The following ZNF407 variants were observed in gnomAD, a reference collection of about 807,000 sequenced individuals.
ZNF407 encodes the protein zinc finger protein 407.
A neutral mutation model predicts 131.2 loss-of-function variants in ZNF407; 17 were observed. That is an observed-to-expected ratio of 0.13 (90% confidence interval 0.09 to 0.19). ZNF407 has a LOEUF of 0.19. Ranked by LOEUF, ZNF407 falls within the 10% of genes least tolerant of loss-of-function variation. The pLI, the probability that ZNF407 is intolerant of heterozygous loss-of-function variation, is 1.00. For synonymous variants in ZNF407, 1,156 were observed against 1,062.0 expected (o/e 1.09, Z -1.72); for missense variants, 2,681 against 2,830.6 (o/e 0.95, Z 1.20).
In ZNF407 at chr18:74,633,722, G is replaced by A; in HGVS notation, c.2703G>A (p.Lys901=). 6.2e-7 allele frequency: 1 copy of A among 1,614,000 alleles called. No homozygotes were observed. The highest frequency in any genetic ancestry group is 1.7e-5 in the Admixed American group (1 of 60,034). The change falls in exon 2 of 9, where the codon AAG becomes AAA. Residue 901 remains lysine (K), a synonymous_variant. Coordinates refer to ENST00000299687, the MANE Select transcript of ZNF407 (RefSeq NM_017757.3). ...ATATGGAACGTCATTGTGCCACCAA[G>A]AAACATAAAGGACGGGTAGAAATAG... The part of the protein sequence containing the change: ...KGDMERHCAT[K]KHKGRVEIEA...
chr18:74,804,622 A>G (rs2145077234), intron 4 of ZNF407: 1 of 983,516 alleles, frequency 1.0e-6, no homozygotes, highest in Non-Finnish European at 1.2e-6. Context: ...AATGCTGATT[A>G]CTATAGCCAG....
At chr18:74,884,689 A>G (rs551204487) in intron 6 of ZNF407, among the ~76,000 whole-genome samples, 14 of 152,202 alleles carry the variant, frequency 9.2e-5, no homozygotes, top group Non-Finnish European at 1.8e-4. Context: ...AATATATATG[A>G]CATTATTCCT....
chr18:74,745,952 A>G (rs1374769149), intron 3 of ZNF407, among the ~76,000 whole-genome samples: 2 of 152,168 alleles, frequency 1.3e-5, no homozygotes, highest in Non-Finnish European at 1.5e-5. Flanking sequence ...ACTTAAATAC[A>G]GTCATGTGCT....
At chr18:74,658,917 A>C in intron 3 of ZNF407, among the ~76,000 whole-genome samples, 2 of 152,296 alleles carry the variant, frequency 1.3e-5, no homozygotes, top group South Asian at 4.1e-4. Flanking sequence ...AATTTAAAAC[A>C]TTATATATCT....
chr18:74,665,369 G>A (rs1985889455), intron 3 of ZNF407, among the ~76,000 whole-genome samples: 1 of 152,188 alleles, frequency 6.6e-6, no homozygotes, highest in African/African-American at 2.4e-5. Context: ...GGTAGCTGCT[G>A]GGGAACCAGC....
intron 8 of ZNF407, among the ~76,000 whole-genome samples, chr18:74,936,543 A>T (rs1231033640): frequency 6.6e-6 from 1 of 152,120 alleles, no homozygotes; most frequent in East Asian, 1.9e-4. Flanking sequence ...ACTTACCACC[A>T]CCCAGCTGTG....
intron 3 of ZNF407, among the ~76,000 whole-genome samples, chr18:74,766,392 A>C (rs900634413): frequency 6.6e-6 from 1 of 152,164 alleles, no homozygotes; most frequent in Admixed American, 6.5e-5. Context: ...GCTGATGTAG[A>C]AGCTTTCCCA....
chr18:74,677,045 CT>C (rs1490577020), intron 3 of ZNF407, among the ~76,000 whole-genome samples: 1 of 152,084 alleles, frequency 6.6e-6, no homozygotes, highest in Non-Finnish European at 1.5e-5. Context: ...GTTGTTTTTT[CT>C]GGTAATATTC....
intron 3 of ZNF407, among the ~76,000 whole-genome samples, chr18:74,733,888 C>T (rs1022301963): frequency 6.6e-5 from 10 of 152,270 alleles, no homozygotes; most frequent in Middle Eastern, 6.8e-3. Context: ...TTCATGTTAG[C>T]CTTTTCTTTG....
At chr18:74,738,526 T>C (rs565221242) in intron 3 of ZNF407, among the ~76,000 whole-genome samples, 2 of 142,350 alleles carry the variant, frequency 1.4e-5, no homozygotes, top group African/African-American at 5.9e-5. Context: ...GATCACGAGG[T>C]CAGGAGTTTG....
rs1240428897 is a variant in ZNF407, at chr18:75,064,812, C to G, written c.*344C>G. On this transcript the variant is annotated 3_prime_UTR_variant, in exon 9 of 9. Coordinates refer to ENST00000299687, the MANE Select transcript of ZNF407 (RefSeq NM_017757.3). ...AGCCAAGTGTTGTTGGTGTTTTTCT[C>G]TCCCAAGTGTTTTCCCATTTCAGTT... 4.6e-6 allele frequency: 1 copy of G among 216,758 alleles called. No homozygotes were observed. The highest frequency in any genetic ancestry group is 2.3e-5 in the African/African-American group (1 of 44,012). The allele number at this position is 216,758 out of a possible 1,614,324, so 13.4% of individuals were successfully genotyped here.
rs373892088 is a variant in ZNF407 at position 75,064,045 on chromosome 18, C to T, written c.6324C>T (p.Ser2108=). Reference sequence around the variant, plus strand: ...ACGGTGTCACCCAGGTGGTGGTGAGCGAAGAGGGTGCCGTCCACATGGTCG... The same window carrying T: ...ACGGTGTCACCCAGGTGGTGGTGAGTGAAGAGGGTGCCGTCCACATGGTCG... ...VKDGVTQVVV[S]EEGAVHMVAG... is the part of the protein sequence containing the mutation. The change falls in exon 9 of 9, where the codon AGC becomes AGT. Residue 2108 remains serine (S), a synonymous_variant. Transcript: ENST00000299687. 65 of 1,597,530 alleles carry T rather than the reference C, an allele frequency of 4.1e-5. No homozygotes were observed. The highest frequency in any genetic ancestry group is 1.4e-4 in the Admixed American group (8 of 57,360).
chr18:74,691,737 T>G (rs1328320335), intron 3 of ZNF407, among the ~76,000 whole-genome samples: 1 of 152,210 alleles, frequency 6.6e-6, no homozygotes, highest in East Asian at 1.9e-4. Context: ...ATAATTTTTC[T>G]TGCTGTTTTG....
At chr18:74,954,602 C>T (rs761894243) in intron 8 of ZNF407, among the ~76,000 whole-genome samples, 4 of 151,964 alleles carry the variant, frequency 2.6e-5, no homozygotes, top group Non-Finnish European at 4.4e-5. Flanking sequence ...TATTATATAA[C>T]ATAATTTTAT....
intron 3 of ZNF407, among the ~76,000 whole-genome samples, chr18:74,676,334 C>T (rs979619391): frequency 8.5e-5 from 13 of 152,180 alleles, no homozygotes; most frequent in Middle Eastern, 3.4e-3. Flanking sequence ...TCAGGCAATC[C>T]GCCTGCCTTC....
intron 7 of ZNF407, among the ~76,000 whole-genome samples, chr18:74,900,125 G>A (rs574112761): frequency 2.4e-4 from 37 of 152,182 alleles, no homozygotes; most frequent in Non-Finnish European, 3.8e-4. Flanking sequence ...TGCATTATTC[G>A]TGATGGCTAG....
chr18:74,804,729 C>T (rs573510303), intron 4 of ZNF407: 23 of 596,426 alleles, frequency 3.9e-5, no homozygotes, highest in African/African-American at 2.2e-4. Context: ...TGATATTCTC[C>T]GGAAGGTTAG....
rs930252647 is a variant in ZNF407, at chr18:74,781,405, A to G, written c.4803-23A>G. On this transcript the variant is annotated intron_variant, in intron 3 of 8. Transcript: ENST00000299687. The stretch of plus-strand genomic sequence containing the variant: ...GTGGAGAGTCAAGTTTTAGTTTTAT[A>G]ATTACTTTTGTTTATTTTTTAGGGT... The G allele has an allele frequency of 2.7e-6, 4 of 1,488,742 alleles. No homozygotes were observed. The Admixed American group carries it at 6.4e-5, about 24-fold the overall frequency. The allele number at this position is 1,488,742 out of a possible 1,614,324, so 92.2% of individuals were successfully genotyped here. A position where few individuals can be genotyped will look rare whatever the true frequency, so the allele number is the denominator to read the frequency against.
intron 4 of ZNF407, among the ~76,000 whole-genome samples, chr18:74,783,921 C>G (rs1969656918): frequency 6.6e-6 from 1 of 152,200 alleles, no homozygotes; most frequent in Admixed American, 6.5e-5. Flanking sequence ...CAGAGAAATA[C>G]TACACAGGAA....
Sources: allele counts gnomAD v4.1 joint callset (sites outside exome capture counted in the v4.1 genomes callset), GRCh38; gene constraint gnomAD v4.1.1; transcripts MANE v1.5; gene names NCBI Gene and HGNC (gene_info 2026-07-23, HGNC 2026-07-21).